The following RYR3 variants were observed in gnomAD, a reference collection of about 807,000 sequenced individuals.
The protein encoded by RYR3 is brain ryanodine receptor-calcium release channel.
A neutral mutation model predicts 584.3 loss-of-function variants in RYR3; 207 were observed. The ratio of observed to expected loss-of-function variants is 0.35; its 90% CI spans 0.32 to 0.40. The LOEUF is 0.40. Ranked by LOEUF, RYR3 falls within the 10% of genes least tolerant of loss-of-function variation. The probability of loss-of-function intolerance (pLI) is 1.00; values close to 1 mark genes in which losing one functional copy is unlikely to be tolerated. For missense variants in RYR3, 5,616 were observed against 6,089.2 expected (o/e 0.92, Z 2.59); for synonymous variants, 2,416 against 2,248.5 (o/e 1.07, Z -2.11).
intron 1 of RYR3, among the ~76,000 whole-genome samples, chr15:33,408,597 C>G (rs1192639051): frequency 2.6e-5 from 4 of 152,186 alleles, no homozygotes; most frequent in Non-Finnish European, 1.5e-5. Flanking sequence ...AGTGGCTGAA[C>G]TAAGTTACTT....
intron 1 of RYR3, among the ~76,000 whole-genome samples, chr15:33,450,043 A>G (rs2046980898): frequency 1.5e-5 from 2 of 134,690 alleles, no homozygotes; most frequent in Non-Finnish European, 3.0e-5. Flanking sequence ...TGTTATCTCA[A>G]TCCTGCTTTT....
intron 57 of RYR3, among the ~76,000 whole-genome samples, chr15:33,754,014 G>T (rs2071574626): frequency 1.3e-5 from 2 of 152,142 alleles, no homozygotes; most frequent in African/African-American, 4.8e-5. Flanking sequence ...GAATGATGGT[G>T]CGTGCCTGTA....
At chr15:33,565,392 C>T (rs2057657560) in intron 11 of RYR3, among the ~76,000 whole-genome samples, 3 of 152,154 alleles carry the variant, frequency 2.0e-5, no homozygotes, top group Admixed American at 2.0e-4. Context: ...CTGATGCTTA[C>T]ACTGCAGTAT....
At chr15:33,416,604 C>G (rs541587996) in intron 1 of RYR3, among the ~76,000 whole-genome samples, 1 of 152,192 alleles carries the variant, frequency 6.6e-6, no homozygotes, top group African/African-American at 2.4e-5. Flanking sequence ...GTCAGATGCA[C>G]AGTTTGCAAA....
Position 33,662,225 on chromosome 15 carries a change from C to T in RYR3, c.4695C>T (p.Tyr1565=), listed in dbSNP as rs2063208302. The T allele has an allele frequency of 6.2e-7, 1 of 1,608,844 alleles. No homozygotes were observed. Among genetic ancestry groups the T allele is most frequent in the East Asian group, 2.2e-5 (1 of 44,704 alleles). Reference sequence around the variant, plus strand: ...TCCATTACCACACGCTGAGGCTCTACAGCGCGGTGTGCGCCCTGGGAAACA... The same window carrying T: ...TCCATTACCACACGCTGAGGCTCTATAGCGCGGTGTGCGCCCTGGGAAACA... ...MRFHYHTLRL[Y]SAVCALGNSR... The change falls in exon 35 of 104, where the codon TAC becomes TAT. Residue 1565 remains tyrosine, a synonymous_variant. Transcript: ENST00000634891.
chr15:33,561,888 G>A (rs975469422), intron 10 of RYR3, among the ~76,000 whole-genome samples: 6 of 151,202 alleles, frequency 4.0e-5, no homozygotes, highest in Admixed American at 1.3e-4. Context: ...GACAGAGTGA[G>A]ACCCTGGGCT....
chr15:33,536,587 T>C (rs1282898817), intron 5 of RYR3, among the ~76,000 whole-genome samples: 1 of 152,176 alleles, frequency 6.6e-6, no homozygotes, highest in Non-Finnish European at 1.5e-5. Flanking sequence ...AAGTACTCTT[T>C]CTGTGTGTTC....
At chr15:33,534,985 G>A (rs2055203055) in intron 5 of RYR3, among the ~76,000 whole-genome samples, 1 of 152,214 alleles carries the variant, frequency 6.6e-6, no homozygotes, top group African/African-American at 2.4e-5. Flanking sequence ...GAATTTACTA[G>A]AAGGATGTTT....
rs1166730566 is a variant in RYR3, at chr15:33,310,995, G to A, written c.-51G>A. Reference sequence around the variant, plus strand: ...AGTCAGCGCACGCCGAGCGGCTGCCGGGGGAAGCAGAGGCGCCGGAGGCTG... The same window carrying A: ...AGTCAGCGCACGCCGAGCGGCTGCCAGGGGAAGCAGAGGCGCCGGAGGCTG... On this transcript the variant is annotated 5_prime_UTR_variant, in exon 1 of 104. Transcript: ENST00000634891. 8.2e-6 allele frequency: 12 copies of A among 1,469,034 alleles called. No individual in the cohort carries two copies. The highest frequency in any genetic ancestry group is 2.9e-5 in the African/African-American group (2 of 69,904). The allele number at this position is 1,469,034 out of a possible 1,614,324, so 91.0% of individuals were successfully genotyped here.
In RYR3 at chr15:33,765,632, C is replaced by CAAAAAAA. The variant is rs761552773; in HGVS notation, c.8706-3009_8706-3003dup. ...TCGCCAATAGAGTGAGACTCCGTCT[C>CAAAAAAA]AAAAAAAAAAAAAAAAAAAAAAAGA... is the stretch of plus-strand genomic sequence containing the variant. On this transcript the variant is annotated intron_variant, in intron 60 of 103. Transcript: ENST00000634891. 8.8e-3 allele frequency among the ~76,000 whole-genome samples: 524 copies of CAAAAAAA among 59,596 alleles called. 1 individual carries two copies. The highest frequency in any genetic ancestry group is 0.013 in the Non-Finnish European group (368 of 28,896). The allele number at this position is 59,596 out of a possible 152,430, so 39.1% of individuals were successfully genotyped here. A position where few individuals can be genotyped will look rare whatever the true frequency, so the allele number is the denominator to read the frequency against.
chr15:33,715,641 G>C (rs746682665), intron 43 of RYR3, among the ~76,000 whole-genome samples: 2 of 152,156 alleles, frequency 1.3e-5, no homozygotes, highest in Non-Finnish European at 2.9e-5. Flanking sequence ...TCACAGCTCT[G>C]AAGACTGGGA....
intron 7 of RYR3, 53 bp downstream of exon 7, chr15:33,540,943 G>A (rs570261764): frequency 3.5e-6 from 4 of 1,156,934 alleles, no homozygotes; most frequent in African/African-American, 1.5e-5. Flanking sequence ...CTCTTGAGCT[G>A]TATACATTGA....
chr15:33,794,140 A>ATATAT (rs1222427400), intron 67 of RYR3, among the ~76,000 whole-genome samples: 80 of 120,566 alleles, frequency 6.6e-4, no homozygotes, highest in Non-Finnish European at 1.2e-3. Flanking sequence ...TATATATAAT[A>ATATAT]TACATAAATA....
At chr15:33,441,083 C>T (rs2046192574) in intron 1 of RYR3, among the ~76,000 whole-genome samples, 1 of 152,172 alleles carries the variant, frequency 6.6e-6, no homozygotes, top group African/African-American at 2.4e-5. Flanking sequence ...GCACTTTGTG[C>T]CCAGCCAGCC....
At chr15:33,480,767 A>G (rs1196035381) in intron 2 of RYR3, among the ~76,000 whole-genome samples, 1 of 152,164 alleles carries the variant, frequency 6.6e-6, no homozygotes, top group East Asian at 1.9e-4. Context: ...ATGGCCCAGC[A>G]TATGGTCTAT....
intron 48 of RYR3, among the ~76,000 whole-genome samples, chr15:33,735,346 A>C (rs1413117529): frequency 6.6e-6 from 1 of 152,248 alleles, no homozygotes; most frequent in Non-Finnish European, 1.5e-5. Flanking sequence ...AACAGTTGTG[A>C]AACAGACGAC....
At chr15:33,385,045 T>C (rs2041487467) in intron 1 of RYR3, among the ~76,000 whole-genome samples, 1 of 152,224 alleles carries the variant, frequency 6.6e-6, no homozygotes, top group African/African-American at 2.4e-5. Flanking sequence ...AAAAGAAAGC[T>C]AAACAGTTTC....
Position 33,591,271 on chromosome 15 carries a change from C to T in RYR3, c.1788+5155C>T, listed in dbSNP as rs182265480. Among the ~76,000 whole-genome samples, 98 of 152,342 alleles carry T rather than the reference C, an allele frequency of 6.4e-4. 1 individual carries two copies. The highest frequency in any genetic ancestry group is 4.0e-3 in the East Asian group (21 of 5,194). On this transcript the variant is annotated intron_variant, in intron 16 of 103. Coordinates refer to ENST00000634891, the MANE Select transcript of RYR3 (RefSeq NM_001036.6). The stretch of plus-strand genomic sequence containing the variant: ...TGATTCCAGTTGGAATTGGTCTCCT[C>T]TCTTATGATTTGTTCTCTGCTGTAA...
intron 67 of RYR3, among the ~76,000 whole-genome samples, chr15:33,800,009 A>C (rs935818611): frequency 5.9e-5 from 9 of 152,224 alleles, no homozygotes; most frequent in African/African-American, 2.2e-4. Context: ...AATATAATTT[A>C]ATTTGAATAT....
Sources: allele counts gnomAD v4.1 joint callset (sites outside exome capture counted in the v4.1 genomes callset), GRCh38; gene constraint gnomAD v4.1.1; transcripts MANE v1.5; gene names NCBI Gene and HGNC (gene_info 2026-07-23, HGNC 2026-07-21).